Variants in FAM3C observed in about 807,000 individuals in gnomAD.
FAM3C encodes the protein protein FAM3C.
In FAM3C, 15 loss-of-function variants were observed where a neutral mutation model predicts 32.5. That is an observed-to-expected ratio of 0.46 (90% CI 0.31 to 0.71). The LOEUF (loss-of-function observed/expected upper bound fraction) is 0.71. FAM3C is among the 30% of genes least tolerant of loss of function. The pLI is 0.05. For synonymous variants in FAM3C, 75 were observed against 86.1 expected, an observed-to-expected ratio of 0.87 and a Z score of 0.72; for missense variants, 175 against 274.4, an observed-to-expected ratio of 0.64 and a Z score of 2.56.
chr7:121,390,607 A>T (rs1314900119), intron 1 of FAM3C, among the ~76,000 whole-genome samples: 2 of 152,208 alleles, frequency 1.3e-5, no homozygotes, highest in East Asian at 1.9e-4. Flanking sequence ...TCAATGAAAC[A>T]TCATATGTTC....
chr7:121,355,437 ACCAAAAT>A (rs960788263), intron 8 of FAM3C, among the ~76,000 whole-genome samples: 1 of 152,212 alleles, frequency 6.6e-6, no homozygotes, highest in Non-Finnish European at 1.5e-5. Context: ...GTGAATTCCT[ACCAAAAT>A]CCTTGAAGGG....
chr7:121,375,021 T>G (rs1034417231), intron 3 of FAM3C, among the ~76,000 whole-genome samples: 1 of 152,184 alleles, frequency 6.6e-6, no homozygotes, highest in Non-Finnish European at 1.5e-5. Context: ...CAGTGCTAGA[T>G]GCTGGGTGAA....
chr7:121,365,927 T>C (rs1462203629), intron 5 of FAM3C, among the ~76,000 whole-genome samples: 1 of 152,142 alleles, frequency 6.6e-6, no homozygotes, highest in African/African-American at 2.4e-5. Context: ...CCACAGAAGA[T>C]ATACAAATGG....
rs1335921590 is a variant in FAM3C at position 121,349,626 on chromosome 7, A to G, written c.*835T>C. On this transcript the variant is annotated 3_prime_UTR_variant, in exon 10 of 10. Coordinates refer to ENST00000359943, the MANE Select transcript of FAM3C (RefSeq NM_014888.3). Reference sequence around the variant, plus strand: ...CCAAACCACTTGGTCAATGCTGATAACAATTAAGAAAAACGTATGCTAGTA... The same window carrying G: ...CCAAACCACTTGGTCAATGCTGATAGCAATTAAGAAAAACGTATGCTAGTA... 1 of 152,480 alleles carries G rather than the reference A, an allele frequency of 6.6e-6. No individual in the cohort carries two copies. The highest frequency in any genetic ancestry group is 1.5e-5 in the Non-Finnish European group (1 of 68,036). 9.4% of individuals were successfully genotyped at this position (152,480 alleles called of 1,614,324 possible).
intron 3 of FAM3C, 23 bp from the exon 4 acceptor site, chr7:121,372,162 G>A (rs75376353): frequency 6.3e-6 from 10 of 1,577,950 alleles, no homozygotes; most frequent in South Asian, 4.5e-5. Flanking sequence ...AATTACTTTT[G>A]TTAGAAGGAA....
intron 5 of FAM3C, among the ~76,000 whole-genome samples, chr7:121,365,626 T>G (rs1034680377): frequency 2.0e-5 from 3 of 151,778 alleles, no homozygotes; most frequent in Non-Finnish European, 4.4e-5. Flanking sequence ...AATGAGAAAA[T>G]GAAAACAAAT....
chr7:121,379,240 G>A (rs779306263), intron 2 of FAM3C, among the ~76,000 whole-genome samples: 3 of 152,060 alleles, frequency 2.0e-5, no homozygotes, highest in Non-Finnish European at 4.4e-5. Flanking sequence ...CCAAAGGACT[G>A]CTTGAACCAT....
chr7:121,359,031 A>T (rs2707508), intron 8 of FAM3C, among the ~76,000 whole-genome samples: 4 of 151,936 alleles, frequency 2.6e-5, no homozygotes, highest in African/African-American at 9.7e-5. Context: ...TAATAAAGGC[A>T]TATTAAAATA....
intron 7 of FAM3C, among the ~76,000 whole-genome samples, chr7:121,361,251 T>A (rs554145221): frequency 6.6e-6 from 1 of 152,342 alleles, no homozygotes; most frequent in South Asian, 2.1e-4. Flanking sequence ...AGTCTAATTC[T>A]ACTCCAAAAC....
At chr7:121,395,164 TATGGATACATACATATATATGGATAC>T (rs1794658614) in intron 1 of FAM3C, among the ~76,000 whole-genome samples, 2 of 152,008 alleles carry the variant, frequency 1.3e-5, no homozygotes, top group South Asian at 2.1e-4. Context: ...TCCATATATA[TATGGATACATACATATATATGGATAC>T]ATGGATACAT....
chr7:121,388,521 C>T (rs551454387), intron 1 of FAM3C, among the ~76,000 whole-genome samples: 2 of 152,204 alleles, frequency 1.3e-5, no homozygotes, highest in South Asian at 4.1e-4. Flanking sequence ...AATGTATCCA[C>T]TCCTTCTGCA....
chr7:121,362,877 G>C lies in FAM3C; in HGVS notation c.382+20C>G. Reference sequence around the variant, plus strand: ...AAGTCAGTGCCAGCAAAAGAACACAGTCATGTTATTTATGCTTACCTCCTC... The same window carrying C: ...AAGTCAGTGCCAGCAAAAGAACACACTCATGTTATTTATGCTTACCTCCTC... On this transcript the variant is annotated intron_variant, in intron 7 of 9. Coordinates refer to ENST00000359943, the MANE Select transcript of FAM3C (RefSeq NM_014888.3). 1 of 1,411,892 alleles carries C rather than the reference G, an allele frequency of 7.1e-7. No homozygotes were observed. Among genetic ancestry groups the C allele is most frequent in the South Asian group, 1.2e-5 (1 of 84,964 alleles). 87.5% of individuals were successfully genotyped at this position (1,411,892 alleles called of 1,614,324 possible).
Position 121,350,336 on chromosome 7 carries a change from A to G in FAM3C, c.*125T>C. ...CAATAAATAATCCTGATATCAAAAG[A>G]GACAATACTCATGCACACACCAAGA... On this transcript the variant is annotated 3_prime_UTR_variant, in exon 10 of 10. Coordinates refer to ENST00000359943, the MANE Select transcript of FAM3C (RefSeq NM_014888.3). 2 of 899,526 alleles carry G rather than the reference A, an allele frequency of 2.2e-6. No homozygotes were observed. The highest frequency in any genetic ancestry group is 3.5e-6 in the Non-Finnish European group (2 of 573,830). The allele number at this position is 899,526 out of a possible 1,614,324, so 55.7% of individuals were successfully genotyped here.
intron 1 of FAM3C, among the ~76,000 whole-genome samples, chr7:121,391,309 A>C (rs574325991): frequency 2.2e-4 from 33 of 152,316 alleles, no homozygotes; most frequent in African/African-American, 7.9e-4. Context: ...ATCCTATAGT[A>C]CACCATCCAG....
intron 3 of FAM3C, among the ~76,000 whole-genome samples, chr7:121,373,185 T>C (rs2116922392): frequency 1.2e-5 from 1 of 86,326 alleles, no homozygotes; most frequent in Middle Eastern, 5.2e-3. Flanking sequence ...AGTCAGGATT[T>C]TAACTACTTA....
At chr7:121,382,516 A>ATTCT (rs1378563850) in intron 2 of FAM3C, among the ~76,000 whole-genome samples, 2 of 150,518 alleles carry the variant, frequency 1.3e-5, no homozygotes, top group Non-Finnish European at 3.0e-5. Context: ...TTGTCAAACC[A>ATTCT]TTCTTTATAT....
chr7:121,369,302 C>T (rs562079034), intron 5 of FAM3C, among the ~76,000 whole-genome samples: 15 of 152,150 alleles, frequency 9.9e-5, no homozygotes, highest in East Asian at 1.9e-4. Context: ...TTTATAAGTA[C>T]GTATTTTTTT....
rs2116905672 is a variant in FAM3C at position 121,367,384 on chromosome 7, A to G, written c.273-3196T>C. ...CCAAATCCTGCCAACTGGTTTTTTG[A>G]TTTGTTTTACTACTCATGAGCTTAG... On this transcript the variant is annotated intron_variant, in intron 5 of 9. Transcript: ENST00000359943. Among the ~76,000 whole-genome samples the G allele has an allele frequency of 2.0e-5, 3 of 152,230 alleles. No individual in the cohort carries two copies. The East Asian group carries it at 5.8e-4, about 29-fold the overall frequency.
intron 8 of FAM3C, among the ~76,000 whole-genome samples, chr7:121,353,006 C>T (rs1486629959): frequency 1.3e-5 from 2 of 152,196 alleles, no homozygotes; most frequent in Non-Finnish European, 2.9e-5. Flanking sequence ...GCTAAATGGA[C>T]TGCCTCCTGC....
Sources: allele counts gnomAD v4.1 joint callset (sites outside exome capture counted in the v4.1 genomes callset), GRCh38; gene constraint gnomAD v4.1.1; transcripts MANE v1.5; gene names NCBI Gene and HGNC (gene_info 2026-07-23, HGNC 2026-07-21).